Variants in MYO15A observed in about 807,000 individuals in gnomAD.
MYO15A encodes unconventional myosin-XV.
In MYO15A, 308 loss-of-function variants were observed where a neutral mutation model predicts 394.6. That is an observed-to-expected ratio of 0.78 (90% CI 0.71 to 0.86). The LOEUF is 0.86. Ranked by LOEUF, MYO15A falls within the 40% of genes least tolerant of loss-of-function variation. MYO15A has a pLI of 0.00. For missense variants in MYO15A, 4,606 were observed against 4,799.1 expected, an observed-to-expected ratio of 0.96 and a Z score of 1.19; for synonymous variants, 1,957 against 2,003.8, an observed-to-expected ratio of 0.98 and a Z score of 0.62.
chr17:18,125,323 C>CTAGGG, intron 4 of MYO15A, 92 bp downstream of exon 4: 3 of 1,258,722 alleles, frequency 2.4e-6, no homozygotes, highest in Non-Finnish European at 3.5e-6. Flanking sequence ...CTCTTGTGGG[C>CTAGGG]CCTAGCCCCT....
At position 18,167,722 on chromosome 17, in the gene MYO15A, G is replaced by A. The variant is rs773647512; in HGVS notation, c.10081G>A (p.Val3361Met). 20 of 1,602,822 alleles carry A rather than the reference G, an allele frequency of 1.2e-5. No individual in the cohort carries two copies. The highest frequency in any genetic ancestry group is 1.6e-4 in the Middle Eastern group (1 of 6,082). ...RAKDHFYLPS[V>M]REVQEYIPAQ... ...CAAGGACCACTTCTACCTGCCGAGC[G>A]TGTGAGCATCTGCCCTCCTGCCTCA... is the stretch of plus-strand genomic sequence containing the variant. The change falls in exon 62 of 66, where the codon GTG (valine) becomes ATG (methionine). Residue 3361 changes from valine to methionine, a missense_variant and splice_region_variant. This residue lies in a region of MYO15A where 2,776 missense variants were observed against 3,109.3 expected (regional missense o/e 0.89). Coordinates refer to ENST00000647165, the MANE Select transcript of MYO15A (RefSeq NM_016239.4).
At chr17:18,124,147 G>C in intron 2 of MYO15A, 1 of 387,224 alleles carries the variant, frequency 2.6e-6, no homozygotes, top group Non-Finnish European at 5.0e-6. Context: ...CAACATATGG[G>C]GTCTGCTGGT....
chr17:18,139,729 C>T, intron 19 of MYO15A, 118 bp downstream of exon 19: 1 of 1,232,644 alleles, frequency 8.1e-7, no homozygotes, highest in Non-Finnish European at 1.2e-6. Flanking sequence ...TAGCTTTGGC[C>T]AGACAAAGAC....
chr17:18,124,430 G>A, intron 2 of MYO15A, 53 bp from the exon 3 acceptor site: 1 of 1,579,298 alleles, frequency 6.3e-7, no homozygotes, highest in Non-Finnish European at 8.6e-7. Context: ...AGGGGTCAGT[G>A]GGGGAGGGGG....
At chr17:18,146,225 ATGGAGGCTGGCCAGGGC>A (rs2046478943) in intron 30 of MYO15A, 118 bp downstream of exon 30, 1 of 1,118,772 alleles carries the variant, frequency 8.9e-7, no homozygotes, top group Admixed American at 2.0e-5. Context: ...AAGCTCAGGC[ATGGAGGCTGGCCAGGGC>A]TGCTCTGCAT....
rs121908971 is a variant in MYO15A at position 18,122,113 on chromosome 17, G to T, written c.3313G>T (p.Glu1105Ter). ...RAPEPLPKGG[E>*]RRQAAPGRFA... ...CCCAGAGCCCCTGCCCAAGGGGGGTGAACGGCGCCAGGCAGCCCCTGGGCG... is the reference window on the plus strand; with the variant it reads ...CCCAGAGCCCCTGCCCAAGGGGGGTTAACGGCGCCAGGCAGCCCCTGGGCG... The change falls in exon 2 of 66, where the codon GAA becomes TAA. Residue 1105 changes from glutamate to a stop codon, truncating the protein, a stop_gained. Coordinates refer to ENST00000647165, the MANE Select transcript of MYO15A (RefSeq NM_016239.4). LOFTEE classifies it high-confidence loss of function. 1 of 1,612,930 alleles carries T rather than the reference G, an allele frequency of 6.2e-7. No homozygotes were observed. The highest frequency in any genetic ancestry group is 1.1e-5 in the South Asian group (1 of 91,086).
Position 18,153,736 on chromosome 17 carries a change from G to T in MYO15A, c.7967-39G>T. 1 of 1,602,254 alleles carries T rather than the reference G, an allele frequency of 6.2e-7. No homozygotes were observed. The highest frequency in any genetic ancestry group is 1.3e-5 in the African/African-American group (1 of 74,160). On this transcript the variant is annotated intron_variant, in intron 42 of 65. Coordinates refer to ENST00000647165, the MANE Select transcript of MYO15A (RefSeq NM_016239.4). This position sits in a 1 kb window ranked among gnomAD's most constrained non-coding sequence, Gnocchi z 4.1. ...ATATATTAATTAAATAAAAAAACGA[G>T]GTGCCTTCTCCTGACTCCCTGATCC... is the stretch of plus-strand genomic sequence containing the variant.
Position 18,156,329 on chromosome 17 carries a change from T to C in MYO15A, c.8594T>C (p.Leu2865Pro). The C allele has an allele frequency of 6.2e-7, 1 of 1,614,144 alleles. No individual in the cohort carries two copies. Among genetic ancestry groups the C allele is most frequent in the Non-Finnish European group, 8.5e-7 (1 of 1,180,008 alleles). ...CTGGTAGATGACTTCATCTTGGAGC[T>C]GAAGAAGGTCAGGATCTTCTCACAG... is the stretch of plus-strand genomic sequence containing the variant. ...KTLVDDFILE[L>P]KKDSDYVVAV... The change falls in exon 48 of 66, where the codon CTG becomes CCG. Residue 2865 changes from leucine (L) to proline (P), a missense_variant. Leu to Pro is a moderately conservative substitution (Grantham distance 98). Transcript: ENST00000647165.
In MYO15A at chr17:18,117,960, G is replaced by A. The variant is rs1230672084; in HGVS notation, c.-219-622G>A. On this transcript the variant is annotated intron_variant, in intron 1 of 65. Transcript: ENST00000647165. The surrounding 1 kb of genome is among the most constrained non-coding windows in gnomAD (Gnocchi z 4.1). Reference sequence around the variant, plus strand: ...TCAGAGGAAACTGAGGCCCAGAGAGGACAAGGACTTTCCTGGACCCACACA... The same window carrying A: ...TCAGAGGAAACTGAGGCCCAGAGAGAACAAGGACTTTCCTGGACCCACACA... Among the ~76,000 whole-genome samples the A allele has an allele frequency of 1.3e-5, 2 of 152,082 alleles. No homozygotes were observed. The highest frequency in any genetic ancestry group is 2.9e-5 in the Non-Finnish European group (2 of 68,014).
At chr17:18,126,715 G>C in intron 5 of MYO15A, 76 bp from the exon 6 acceptor site, 2 of 1,490,142 alleles carry the variant, frequency 1.3e-6, no homozygotes, top group Non-Finnish European at 1.9e-6. Context: ...GGCTGGATAC[G>C]GATGCTCCCT....
In MYO15A at chr17:18,148,371, GGAA is replaced by G. The variant is rs1324928863; in HGVS notation, c.6692-124_6692-122del. ...GTGTGTGGGGGTGGGACCTGGCCCA[GGAA>G]AGGGGAGCCAGGGAAGTGAGGCTAC... On this transcript the variant is annotated intron_variant, in intron 31 of 65. Coordinates refer to ENST00000647165, the MANE Select transcript of MYO15A (RefSeq NM_016239.4). This position sits in a 1 kb window ranked among gnomAD's most constrained non-coding sequence, Gnocchi z 4.8. The G allele has an allele frequency of 8.2e-6, 12 of 1,460,442 alleles. No individual in the cohort carries two copies. Among genetic ancestry groups the G allele is most frequent in the Non-Finnish European group, 6.5e-6 (7 of 1,070,838 alleles). The allele number at this position is 1,460,442 out of a possible 1,614,324, so 90.5% of individuals were successfully genotyped here.
chr17:18,139,056 G>T, intron 18 of MYO15A, 120 bp downstream of exon 18: 1 of 1,439,844 alleles, frequency 6.9e-7, no homozygotes, highest in East Asian at 2.5e-5. Flanking sequence ...GCTCTGCTGT[G>T]CCCCAGCTCT....
rs1490632132 is a variant in MYO15A at position 18,117,463 on chromosome 17, G to T, written c.-219-1119G>T. Among the ~76,000 whole-genome samples the T allele has an allele frequency of 2.6e-5, 4 of 152,222 alleles. No individual in the cohort carries two copies. Among genetic ancestry groups the T allele is most frequent in the African/African-American group, 9.6e-5 (4 of 41,462 alleles). The stretch of plus-strand genomic sequence containing the variant: ...AGGGCCAGAACCTTGCTGCTTTGGG[G>T]TCTCCTATGCTAAACCTTAAACAAC... On this transcript the variant is annotated intron_variant, in intron 1 of 65. Transcript: ENST00000647165. This position sits in a 1 kb window ranked among gnomAD's most constrained non-coding sequence, Gnocchi z 4.1.
chr17:18,139,222 C>G lies in MYO15A; in HGVS notation c.5133+286C>G, dbSNP rs192642129. ...CAATAGTGACATCACTATGGTCACC[C>G]TCATCACTATTATCTGAGGCACATT... On this transcript the variant is annotated intron_variant, in intron 18 of 65. Transcript: ENST00000647165. 1.3e-3 allele frequency: 784 copies of G among 607,768 alleles called. 6 individuals carry two copies. Among genetic ancestry groups the G allele is most frequent in the East Asian group, 0.012 (424 of 34,076 alleles). 37.6% of individuals were successfully genotyped at this position (607,768 alleles called of 1,614,324 possible). A position where few individuals can be genotyped will look rare whatever the true frequency, so the allele number is the denominator to read the frequency against.
chr17:18,163,994 A>G, intron 60 of MYO15A, 156 bp downstream of exon 60: 1 of 736,678 alleles, frequency 1.4e-6, no homozygotes. Flanking sequence ...GTGTGTACCA[A>G]GCACGCCCAG....
At chr17:18,136,802 C>A in intron 15 of MYO15A, 116 bp downstream of exon 15, 1 of 1,382,468 alleles carries the variant, frequency 7.2e-7, no homozygotes, top group Non-Finnish European at 9.8e-7. Context: ...GCCATCCTCC[C>A]TTCATGGACC....
rs757066608 is a variant in MYO15A at position 18,151,460 on chromosome 17, C to A, written c.7720C>A (p.Gln2574Lys). ...LNSEHFPQPT[Q>K]QIKNIVRQYQ... ...CTCTGAGCACTTCCCACAGCCCACA[C>A]AGCAGATCAAGAATATTGTCAGGCA... Residue 2574 changes from glutamine (Q) to lysine (K), a missense_variant, in exon 40 of 66, where the codon CAG becomes AAG. By Grantham distance (53) the Gln-to-Lys change is moderately conservative. Coordinates refer to ENST00000647165, the MANE Select transcript of MYO15A (RefSeq NM_016239.4). 4.3e-6 allele frequency: 7 copies of A among 1,614,236 alleles called. No homozygotes were observed. The highest frequency in any genetic ancestry group is 5.9e-6 in the Non-Finnish European group (7 of 1,180,042).
At chr17:18,152,011 G>A in intron 41 of MYO15A, 60 bp downstream of exon 41, 5 of 1,541,634 alleles carry the variant, frequency 3.2e-6, no homozygotes, top group Non-Finnish European at 3.5e-6. Context: ...GGGCCTCAGG[G>A]ATCCTCAGAA....
At chr17:18,159,065 C>G (rs1196933524) in intron 53 of MYO15A, 68 bp downstream of exon 53, 2 of 1,531,108 alleles carry the variant, frequency 1.3e-6, no homozygotes, top group Admixed American at 3.7e-5. Context: ...TCCCAGGCCC[C>G]TGGGGCCAAC....
Sources: gnomAD v4.1 joint callset for allele counts (sites outside exome capture counted in the v4.1 genomes callset) on GRCh38, gnomAD v4.1.1 for gene constraint, gnomAD v4.1.1 regional missense constraint, Gnocchi (gnomAD v3.1) non-coding constraint, MANE v1.5 for transcripts, NCBI Gene and HGNC (gene_info 2026-07-23, HGNC 2026-07-21) for gene names.